The following SEMA3A variants were observed in gnomAD, a reference collection of about 807,000 sequenced individuals.
The protein encoded by SEMA3A is semaphorin-3A.
In SEMA3A, 29 loss-of-function variants were observed where a neutral mutation model predicts 97.9. That is an observed-to-expected ratio of 0.30 (90% CI 0.22 to 0.40). The LOEUF (loss-of-function observed/expected upper bound fraction) is 0.40, where lower values mean the gene tolerates loss of function less well. Ranked by LOEUF, SEMA3A falls within the 10% of genes least tolerant of loss-of-function variation. The pLI is 1.00. For missense variants in SEMA3A, 763 were observed against 951.3 expected (o/e 0.80, Z 2.60); for synonymous variants, 321 against 323.7 (o/e 0.99, Z 0.09).
At chr7:84,222,753 C>G (rs1192239439) in intron 3 of SEMA3A, among the ~76,000 whole-genome samples, 1 of 151,494 alleles carries the variant, frequency 6.6e-6, no homozygotes, top group African/African-American at 2.4e-5. Flanking sequence ...ATTCATTTAC[C>G]CATTAAATCA....
At chr7:84,387,037 T>A (rs1170348984) in intron 1 of SEMA3A, among the ~76,000 whole-genome samples, 4 of 151,926 alleles carry the variant, frequency 2.6e-5, no homozygotes, top group African/African-American at 9.7e-5. Flanking sequence ...TACAGTCAAT[T>A]ATAGCTTATT....
chr7:84,344,591 C>T (rs527589971), intron 2 of SEMA3A, among the ~76,000 whole-genome samples: 21 of 152,172 alleles, frequency 1.4e-4, no homozygotes, highest in African/African-American at 3.6e-4. Flanking sequence ...GTTAGAGTCA[C>T]GGAAAAGAGA....
At chr7:84,235,480 T>C (rs1345095882) in intron 3 of SEMA3A, among the ~76,000 whole-genome samples, 1 of 152,102 alleles carries the variant, frequency 6.6e-6, no homozygotes, top group African/African-American at 2.4e-5. Flanking sequence ...TTGTTTCTTC[T>C]TTATTTCTTT....
At chr7:84,463,342 G>A (rs1423226696) in intron 1 of SEMA3A, among the ~76,000 whole-genome samples, 2 of 141,484 alleles carry the variant, frequency 1.4e-5, no homozygotes, top group South Asian at 2.2e-4. Context: ...TCCGCCTCCC[G>A]GGTTCAGGCC....
At chr7:84,172,532 C>A (rs530810824) in intron 1 of SEMA3A, among the ~76,000 whole-genome samples, 1 of 152,288 alleles carries the variant, frequency 6.6e-6, no homozygotes, top group African/African-American at 2.4e-5. Flanking sequence ...CGCCATTCTC[C>A]TGCCTCAGCC....
Position 83,956,839 on chromosome 7 carries a change from A to G in SEMA3A, c.*4532T>C, listed in dbSNP as rs1235292351. 1 of 152,032 alleles carries G rather than the reference A, an allele frequency of 6.6e-6. No individual in the cohort carries two copies. 9.4% of individuals were successfully genotyped at this position (152,032 alleles called of 1,614,324 possible). A position where few individuals can be genotyped will look rare whatever the true frequency, so the allele number is the denominator to read the frequency against. On this transcript the variant is annotated 3_prime_UTR_variant, in exon 17 of 17. Coordinates refer to ENST00000265362, the MANE Select transcript of SEMA3A (RefSeq NM_006080.3). Reference sequence around the variant, plus strand: ...CCATTTTGTTTCTTCATCTAGGCATATCTGACTGATTCACAGCTGGAAAGT... The same window carrying G: ...CCATTTTGTTTCTTCATCTAGGCATGTCTGACTGATTCACAGCTGGAAAGT...
intron 4 of SEMA3A, among the ~76,000 whole-genome samples, chr7:84,083,954 A>G (rs1794246101): frequency 6.6e-6 from 1 of 152,012 alleles, no homozygotes; most frequent in African/African-American, 2.4e-5. Context: ...GATTCCATTC[A>G]CAATAACAGC....
At chr7:84,069,924 A>G (rs1192782031) in intron 4 of SEMA3A, among the ~76,000 whole-genome samples, 1 of 152,128 alleles carries the variant, frequency 6.6e-6, no homozygotes, top group Non-Finnish European at 1.5e-5. Context: ...GCGTATTAAC[A>G]CCCTATGTTA....
chr7:84,187,826 C>T (rs1361438609), intron 1 of SEMA3A, among the ~76,000 whole-genome samples: 1 of 151,972 alleles, frequency 6.6e-6, no homozygotes, highest in Non-Finnish European at 1.5e-5. Context: ...ATGAATAATT[C>T]TGTGCTAGCC....
intron 1 of SEMA3A, among the ~76,000 whole-genome samples, chr7:84,170,138 G>A (rs2116199816): frequency 6.6e-6 from 1 of 152,022 alleles, no homozygotes; most frequent in Non-Finnish European, 1.5e-5. Context: ...TGTTAGTACA[G>A]TCCTGATGTA....
intron 4 of SEMA3A, among the ~76,000 whole-genome samples, chr7:84,068,654 C>G (rs1343270332): frequency 6.6e-6 from 1 of 152,008 alleles, no homozygotes; most frequent in Non-Finnish European, 1.5e-5. Context: ...ACACTACTGA[C>G]ACAGACAGAC....
Position 84,325,148 on chromosome 7 carries a change from TATCTATCTATCTATCA to T in SEMA3A, c.-168-17872_-168-17857del, listed in dbSNP as rs1352480606. Among the ~76,000 whole-genome samples the T allele has an allele frequency of 2.0e-5, 3 of 150,336 alleles. No individual in the cohort carries two copies. In the East Asian group the frequency reaches 5.8e-4, roughly 29 times the overall value. ...CTATCTATCTATCTATCTATCTATCTATCTATCTATCTATCATTTTAAAACAATTATTTAGTTGGGT... is the reference window on the plus strand; with the variant it reads ...CTATCTATCTATCTATCTATCTATCTTTTTAAAACAATTATTTAGTTGGGT... On this transcript the variant is annotated intron_variant, in intron 2 of 3. Coordinates refer to the SEMA3A transcript ENST00000424555.
chr7:84,349,495 A>C (rs2116018517), intron 2 of SEMA3A, among the ~76,000 whole-genome samples: 1 of 152,284 alleles, frequency 6.6e-6, no homozygotes, highest in East Asian at 1.9e-4. Context: ...TGCTAAAGGT[A>C]ATGTGGGGTT....
intron 1 of SEMA3A, among the ~76,000 whole-genome samples, chr7:84,163,222 A>T (rs60227422): frequency 0.064 from 9,765 of 152,296 alleles, 672 homozygotes; most frequent in African/African-American, 0.17. Flanking sequence ...TATGCTTTGT[A>T]TAATATTATA....
At chr7:84,007,809 A>T (rs1790727330) in intron 9 of SEMA3A, among the ~76,000 whole-genome samples, 1 of 152,188 alleles carries the variant, frequency 6.6e-6, no homozygotes, top group Admixed American at 6.5e-5. Flanking sequence ...ACTATAAATG[A>T]ATATGTAATT....
intron 4 of SEMA3A, among the ~76,000 whole-genome samples, chr7:84,063,023 G>C (rs920330997): frequency 1.3e-5 from 2 of 152,084 alleles, no homozygotes; most frequent in African/African-American, 2.4e-5. Context: ...GGCCCTGTCT[G>C]ACAGCTTTGA....
At position 84,201,069 on chromosome 7, in the gene SEMA3A, TAAAC is replaced by T. The variant is rs367797206; in HGVS notation, c.-82-6405_-82-6402del. ...AATAAATAAGTCGGTCTACACTAAA[TAAAC>T]AAAGTGAAGAGACTAAGCAATATGG... On this transcript the variant is annotated intron_variant, in intron 3 of 3. Transcript: ENST00000424555. 8.1e-4 allele frequency among the ~76,000 whole-genome samples: 124 copies of T among 152,188 alleles called. 1 individual carries two copies. Among genetic ancestry groups the T allele is most frequent in the South Asian group, 3.9e-3 (19 of 4,832 alleles).
At chr7:84,365,785 A>G (rs1802834816) in intron 2 of SEMA3A, among the ~76,000 whole-genome samples, 1 of 151,400 alleles carries the variant, frequency 6.6e-6, no homozygotes. Flanking sequence ...ATCTAGACAC[A>G]ATCTGATATT....
At chr7:84,425,166 T>C (rs1804764441) in intron 1 of SEMA3A, among the ~76,000 whole-genome samples, 2 of 111,748 alleles carry the variant, frequency 1.8e-5, no homozygotes, top group Admixed American at 2.3e-4. Context: ...ATTATAAATA[T>C]TAAATATATT....
Sources: allele counts gnomAD v4.1 joint callset (sites outside exome capture counted in the v4.1 genomes callset), GRCh38; gene constraint gnomAD v4.1.1; transcripts MANE v1.5; gene names NCBI Gene and HGNC (gene_info 2026-07-23, HGNC 2026-07-21).